The following ADAMTS12 variants were observed in gnomAD, a reference collection of about 807,000 sequenced individuals.
ADAMTS12 encodes the protein A disintegrin and metalloproteinase with thrombospondin motifs 12.
Under a neutral mutation model 167.8 loss-of-function variants are expected in ADAMTS12, and 118 were observed. The ratio of observed to expected loss-of-function variants is 0.70; its 90% CI spans 0.61 to 0.82. The LOEUF is 0.82. ADAMTS12 is among the 40% of genes least tolerant of loss of function. The probability of loss-of-function intolerance (pLI) is 0.00; values close to 1 mark genes in which losing one functional copy is unlikely to be tolerated. For missense variants in ADAMTS12, 1,916 were observed against 1,998.8 expected, an observed-to-expected ratio of 0.96 and a Z score of 0.79; for synonymous variants, 704 against 716.9, an observed-to-expected ratio of 0.98 and a Z score of 0.29.
intron 2 of ADAMTS12, among the ~76,000 whole-genome samples, chr5:33,769,585 A>G (rs1204797649): frequency 6.6e-6 from 1 of 152,214 alleles, no homozygotes; most frequent in African/African-American, 2.4e-5. Flanking sequence ...CAGCCCCAAG[A>G]GTTGCCAAAA....
At chr5:33,530,544 T>C (rs1310391806) in intron 23 of ADAMTS12, among the ~76,000 whole-genome samples, 2 of 152,178 alleles carry the variant, frequency 1.3e-5, no homozygotes, top group African/African-American at 4.8e-5. Flanking sequence ...GTGGGGCGGC[T>C]CTTTGCCCCA....
At chr5:33,556,928 T>C (rs897028537) in intron 20 of ADAMTS12, among the ~76,000 whole-genome samples, 1 of 152,246 alleles carries the variant, frequency 6.6e-6, no homozygotes, top group Non-Finnish European at 1.5e-5. Flanking sequence ...TTCACCAGCC[T>C]GTGGCCCCCG....
In ADAMTS12 at chr5:33,685,875, G is replaced by T. The variant is rs1437179472; in HGVS notation, c.635-1820C>A. 6.6e-5 allele frequency among the ~76,000 whole-genome samples: 10 copies of T among 152,126 alleles called. 1 individual carries two copies. Among genetic ancestry groups the T allele is most frequent in the Middle Eastern group, 3.4e-3 (1 of 294 alleles). On this transcript the variant is annotated intron_variant, in intron 3 of 23. Coordinates refer to ENST00000504830, the MANE Select transcript of ADAMTS12 (RefSeq NM_030955.4). ...AACCCCCTCCCTCATTGCCCCATCA[G>T]CTTTTTGTCCCTGTTTTGAATCTCA...
At chr5:33,865,843 G>T (rs1283507835) in intron 2 of ADAMTS12, among the ~76,000 whole-genome samples, 2 of 152,086 alleles carry the variant, frequency 1.3e-5, no homozygotes, top group Non-Finnish European at 2.9e-5. Context: ...ATCAAATCAA[G>T]AACTCAATCC....
At chr5:33,867,762 C>A (rs1412030892) in intron 2 of ADAMTS12, among the ~76,000 whole-genome samples, 1 of 152,134 alleles carries the variant, frequency 6.6e-6, no homozygotes, top group Non-Finnish European at 1.5e-5. Flanking sequence ...TAGATTCTTA[C>A]AGAATTTTTT....
At chr5:33,866,297 C>T (rs1749819174) in intron 2 of ADAMTS12, among the ~76,000 whole-genome samples, 1 of 152,070 alleles carries the variant, frequency 6.6e-6, no homozygotes. Flanking sequence ...CAAATACTTA[C>T]AGCTCACTGA....
chr5:33,646,423 A>G (rs1740665610), intron 9 of ADAMTS12, among the ~76,000 whole-genome samples: 2 of 152,166 alleles, frequency 1.3e-5, no homozygotes. Context: ...AGACCTTCAT[A>G]TAAGGCCTTG....
rs939326297 is a variant in ADAMTS12 at position 33,891,729 on chromosome 5, C to T, written c.127+1G>A. 1.2e-6 allele frequency: 2 copies of T among 1,614,072 alleles called. No homozygotes were observed. Among genetic ancestry groups the T allele is most frequent in the East Asian group, 2.2e-5 (1 of 44,900 alleles). On this transcript the variant is annotated splice_donor_variant, in intron 1 of 23. Coordinates refer to ENST00000504830, the MANE Select transcript of ADAMTS12 (RefSeq NM_030955.4). LOFTEE classifies it high-confidence loss of function. ...AAAAGAAATAAAGAAGAGTCACTAA[C>T]CTTGCCTCCTGTCCGGGAAGCGAAC... is the stretch of plus-strand genomic sequence containing the variant.
At chr5:33,658,414 T>G in intron 6 of ADAMTS12, 81 bp from the exon 7 acceptor site, 2 of 1,524,822 alleles carry the variant, frequency 1.3e-6, no homozygotes, top group Non-Finnish European at 1.8e-6. Context: ...GGGTATAAAC[T>G]CACATTCAAT....
intron 3 of ADAMTS12, among the ~76,000 whole-genome samples, chr5:33,696,929 T>C (rs1742802593): frequency 6.6e-6 from 1 of 152,238 alleles, no homozygotes; most frequent in South Asian, 2.1e-4. Context: ...CAGTTCAGCT[T>C]GCTTTTTTGG....
intron 3 of ADAMTS12, among the ~76,000 whole-genome samples, chr5:33,707,062 C>A (rs1743228589): frequency 6.6e-6 from 1 of 152,180 alleles, no homozygotes; most frequent in Non-Finnish European, 1.5e-5. Context: ...ACCCCATCAT[C>A]TCAGCCCAAA....
intron 22 of ADAMTS12, 107 bp from the exon 23 acceptor site, chr5:33,535,099 A>C: frequency 8.3e-7 from 1 of 1,197,962 alleles, no homozygotes; most frequent in Non-Finnish European, 1.1e-6. Flanking sequence ...AAACATCTCA[A>C]TAACCAGAAA....
intron 12 of ADAMTS12, among the ~76,000 whole-genome samples, chr5:33,633,997 C>T (rs368534218): frequency 7.2e-5 from 11 of 152,224 alleles, no homozygotes; most frequent in African/African-American, 2.6e-4. Flanking sequence ...TCTGATTAAT[C>T]CTCTCAAAGG....
At chr5:33,777,715 T>C (rs897977647) in intron 2 of ADAMTS12, among the ~76,000 whole-genome samples, 2 of 152,018 alleles carry the variant, frequency 1.3e-5, no homozygotes, top group African/African-American at 4.8e-5. Flanking sequence ...GGCATCCAAA[T>C]TGTAAAGGAA....
chr5:33,839,102 AAG>A (rs1748642888), intron 2 of ADAMTS12, among the ~76,000 whole-genome samples: 1 of 152,202 alleles, frequency 6.6e-6, no homozygotes, highest in African/African-American at 2.4e-5. Context: ...TGATTTAAAA[AAG>A]AGGCAGAAGA....
chr5:33,682,910 CA>C, intron 5 of ADAMTS12, 107 bp downstream of exon 5: 1 of 853,406 alleles, frequency 1.2e-6, no homozygotes, highest in Non-Finnish European at 1.8e-6. Flanking sequence ...GATGGGCTTC[CA>C]AACACTTTCT....
At chr5:33,569,540 C>G (rs1746202307) in intron 19 of ADAMTS12, among the ~76,000 whole-genome samples, 2 of 152,212 alleles carry the variant, frequency 1.3e-5, no homozygotes, top group South Asian at 2.1e-4. Flanking sequence ...AGGGTCCTGT[C>G]TGTTAGAAGG....
At chr5:33,561,423 T>G (rs1003379863) in intron 19 of ADAMTS12, among the ~76,000 whole-genome samples, 2 of 152,236 alleles carry the variant, frequency 1.3e-5, no homozygotes, top group Non-Finnish European at 2.9e-5. Context: ...TAGTCACGGT[T>G]GAGAAACCTT....
At chr5:33,564,664 A>G (rs1745923180) in intron 19 of ADAMTS12, among the ~76,000 whole-genome samples, 2 of 152,184 alleles carry the variant, frequency 1.3e-5, no homozygotes, top group African/African-American at 2.4e-5. Flanking sequence ...CTTCACTCTC[A>G]TCTATTGGGC....
Sources: allele counts gnomAD v4.1 joint callset (sites outside exome capture counted in the v4.1 genomes callset), GRCh38; gene constraint gnomAD v4.1.1; transcripts MANE v1.5; gene names NCBI Gene and HGNC (gene_info 2026-07-23, HGNC 2026-07-21).